Variants in CAMTA1 observed in about 807,000 individuals in gnomAD.
CAMTA1 encodes calmodulin binding transcription activator 1.
Under a neutral mutation model 170.9 loss-of-function variants are expected in CAMTA1, and 27 were observed. That is an observed-to-expected ratio of 0.16 (90% confidence interval 0.12 to 0.22). The LOEUF (loss-of-function observed/expected upper bound fraction) is 0.22. CAMTA1 is among the 10% of genes least tolerant of loss of function. The pLI is 1.00. For synonymous variants in CAMTA1, 833 were observed against 891.5 expected, an observed-to-expected ratio of 0.93 and a Z score of 1.17; for missense variants, 1,619 against 2,217.2, an observed-to-expected ratio of 0.73 and a Z score of 5.42.
At chr1:6,967,662 G>T (rs1015580085) in intron 3 of CAMTA1, among the ~76,000 whole-genome samples, 2 of 152,182 alleles carry the variant, frequency 1.3e-5, no homozygotes, top group African/African-American at 4.8e-5. Context: ...TGTGCTGTGT[G>T]GTTCAGCCAG....
At chr1:7,316,556 G>C (rs984683466) in intron 5 of CAMTA1, among the ~76,000 whole-genome samples, 2 of 152,204 alleles carry the variant, frequency 1.3e-5, no homozygotes, top group African/African-American at 4.8e-5. Context: ...ACCATTCATA[G>C]AATCCTTTCC....
intron 11 of CAMTA1, among the ~76,000 whole-genome samples, chr1:7,698,074 A>ACCCCCCCCCCC (rs55893283): frequency 1.1e-4 from 11 of 98,582 alleles, no homozygotes; most frequent in Non-Finnish European, 1.7e-4. Context: ...ACGCACTGTG[A>ACCCCCCCCCCC]CCCCCCCCCC....
chr1:6,923,962 A>G (rs996692241), intron 3 of CAMTA1, among the ~76,000 whole-genome samples: 1 of 152,042 alleles, frequency 6.6e-6, no homozygotes, highest in African/African-American at 2.4e-5. Context: ...GAGAACCCCC[A>G]TTACTCGCCC....
Position 7,730,908 on chromosome 1 carries a change from A to ATCTCTC in CAMTA1, c.2915-1524_2915-1519dup, listed in dbSNP as rs34139853. On this transcript the variant is annotated intron_variant, in intron 11 of 22. Transcript: ENST00000303635. The stretch of plus-strand genomic sequence containing the variant: ...AGTGAGATTCCATCTCAAAGTCTCA[A>ATCTCTC]TCTCTCTCTCTCTCTCTCTCTATAT... Among the ~76,000 whole-genome samples, 1,248 of 144,036 alleles carry ATCTCTC rather than the reference A, an allele frequency of 8.7e-3. 83 individuals are homozygous for ATCTCTC. The East Asian group carries it at 0.18, about 21-fold the overall frequency. The allele number at this position is 144,036 out of a possible 152,430, so 94.5% of individuals were successfully genotyped here. A position where few individuals can be genotyped will look rare whatever the true frequency, so the allele number is the denominator to read the frequency against.
chr1:6,813,101 T>A (rs1645377479), intron 1 of CAMTA1, among the ~76,000 whole-genome samples: 1 of 152,250 alleles, frequency 6.6e-6, no homozygotes, highest in Non-Finnish European at 1.5e-5. Context: ...TATTATAGTA[T>A]AGTAGCACTT....
intron 5 of CAMTA1, among the ~76,000 whole-genome samples, chr1:7,350,122 G>A (rs763173): frequency 6.6e-6 from 1 of 151,864 alleles, no homozygotes. Context: ...TCCCGAGAGG[G>A]GTGCTCACTC....
At chr1:7,563,999 G>T (rs1193875608) in intron 6 of CAMTA1, among the ~76,000 whole-genome samples, 2 of 152,230 alleles carry the variant, frequency 1.3e-5, no homozygotes, top group African/African-American at 4.8e-5. Context: ...GGCCTTGGGT[G>T]TCATGACTGA....
At position 7,041,293 on chromosome 1, in the gene CAMTA1, A is replaced by T. The variant is rs1252724706; in HGVS notation, c.235-50011A>T. ...CTGCAGAGGGGCTCAGAGCCAGTCC[A>T]GTCAGACCTGCGAGGCCTGGGCTGT... On this transcript the variant is annotated intron_variant, in intron 3 of 22. Coordinates refer to ENST00000303635, the MANE Select transcript of CAMTA1 (RefSeq NM_015215.4). The surrounding 1 kb of genome is among the most constrained non-coding windows in gnomAD (Gnocchi z 5.1). Among the ~76,000 whole-genome samples the T allele has an allele frequency of 2.0e-5, 3 of 152,226 alleles. No homozygotes were observed. Among genetic ancestry groups the T allele is most frequent in the African/African-American group, 7.2e-5 (3 of 41,460 alleles).
At chr1:7,406,622 G>A (rs2149234937) in intron 5 of CAMTA1, among the ~76,000 whole-genome samples, 1 of 151,960 alleles carries the variant, frequency 6.6e-6, no homozygotes, top group South Asian at 2.1e-4. Flanking sequence ...ACACACACAT[G>A]CATGCAGACA....
intron 3 of CAMTA1, among the ~76,000 whole-genome samples, chr1:6,916,138 G>T (rs1680731772): frequency 6.6e-6 from 1 of 152,140 alleles, no homozygotes; most frequent in African/African-American, 2.4e-5. Context: ...TGATGTCTTT[G>T]TGTTCTTCCT....
At chr1:7,486,139 G>A (rs1234329652) in intron 6 of CAMTA1, among the ~76,000 whole-genome samples, 1 of 152,218 alleles carries the variant, frequency 6.6e-6, no homozygotes, top group Non-Finnish European at 1.5e-5. Flanking sequence ...CGGTGTGACA[G>A]TTTGCAGAAT....
chr1:7,398,181 CTCTCTCTCTCTCTATATA>C (rs1170321012), intron 5 of CAMTA1, among the ~76,000 whole-genome samples: 11 of 45,558 alleles, frequency 2.4e-4, no homozygotes, highest in African/African-American at 8.4e-4. Flanking sequence ...CTCTCTCTCT[CTCTCTCTCTCTCTATATA>C]TATATATATA....
intron 4 of CAMTA1, among the ~76,000 whole-genome samples, chr1:7,194,733 A>T (rs1486196585): frequency 6.6e-6 from 1 of 152,162 alleles, no homozygotes; most frequent in Non-Finnish European, 1.5e-5. Context: ...CTTAGTAAGG[A>T]GAGGAGAGGG....
At chr1:6,952,936 A>G (rs990609722) in intron 3 of CAMTA1, among the ~76,000 whole-genome samples, 2 of 152,204 alleles carry the variant, frequency 1.3e-5, no homozygotes, top group Admixed American at 1.3e-4. Context: ...CCCGGATCTC[A>G]TCACCCAGAG....
rs2095979025 is a variant in CAMTA1 at position 7,663,506 on chromosome 1, G to T, written c.959G>T (p.Gly320Val). ...AAGCACGAGCACAGCCACAGCAAGG[G>T]CTCCAGCCGTGAGAAGAGGAACGGC... ...EGKHEHSHSK[G>V]SSREKRNGKV... The change falls in exon 9 of 23, where the codon GGC becomes GTC. Residue 320 changes from glycine to valine, a missense_variant. Transcript: ENST00000303635. 1 of 1,601,196 alleles carries T rather than the reference G, an allele frequency of 6.2e-7. No individual in the cohort carries two copies.
At chr1:6,812,751 A>G (rs550252129) in intron 1 of CAMTA1, among the ~76,000 whole-genome samples, 2 of 152,368 alleles carry the variant, frequency 1.3e-5, no homozygotes, top group African/African-American at 4.8e-5. Context: ...AACATGCTTT[A>G]CGTGCATCTC....
At chr1:7,123,301 T>C (rs535336621) in intron 4 of CAMTA1, among the ~76,000 whole-genome samples, 26 of 152,298 alleles carry the variant, frequency 1.7e-4, no homozygotes, top group African/African-American at 4.6e-4. Context: ...CTTCATGTCA[T>C]CTTCCCTTTG....
chr1:7,480,221 G>A (rs945609171), intron 6 of CAMTA1, among the ~76,000 whole-genome samples: 1 of 135,346 alleles, frequency 7.4e-6, no homozygotes, highest in Admixed American at 7.3e-5. Context: ...ATGTGTGTAC[G>A]TGTGTGTGAG....
chr1:7,246,696 A>G (rs1354505507), intron 4 of CAMTA1, among the ~76,000 whole-genome samples: 1 of 28,550 alleles, frequency 3.5e-5, no homozygotes, highest in Non-Finnish European at 8.0e-5. Context: ...TTTTTTTGAC[A>G]TGCTTTGTGC....
Sources: allele counts gnomAD v4.1 joint callset (sites outside exome capture counted in the v4.1 genomes callset), GRCh38; gene constraint gnomAD v4.1.1; non-coding constraint Gnocchi (gnomAD v3.1); transcripts MANE v1.5; gene names NCBI Gene and HGNC (gene_info 2026-07-23, HGNC 2026-07-21).